The following PKP4 variants were observed in gnomAD, a reference collection of about 807,000 sequenced individuals.
PKP4 encodes the protein plakophilin 4, also known as plakophilin-4.
In PKP4, 90 loss-of-function variants were observed where a neutral mutation model predicts 145.1. That is an observed-to-expected ratio of 0.62 (90% CI 0.52 to 0.74). PKP4 has a LOEUF of 0.74. Ranked by LOEUF, PKP4 falls within the 30% of genes least tolerant of loss-of-function variation. The pLI is 0.00. For synonymous variants in PKP4, 563 were observed against 577.2 expected, an observed-to-expected ratio of 0.98 and a Z score of 0.35; for missense variants, 1,340 against 1,482.7, an observed-to-expected ratio of 0.90 and a Z score of 1.58.
chr2:158,587,507 A>G (rs924891738), intron 3 of PKP4, among the ~76,000 whole-genome samples: 12 of 152,086 alleles, frequency 7.9e-5, no homozygotes, highest in Admixed American at 3.9e-4. Context: ...ATATTTCAAG[A>G]TGCTTGAACA....
At chr2:158,675,672 A>T (rs967179390) in intron 19 of PKP4, among the ~76,000 whole-genome samples, 1 of 152,192 alleles carries the variant, frequency 6.6e-6, no homozygotes, top group African/African-American at 2.4e-5. Flanking sequence ...ATGTCATTGG[A>T]GGCAGGCGGG....
intron 19 of PKP4, among the ~76,000 whole-genome samples, chr2:158,675,367 A>G (rs2057919072): frequency 6.6e-6 from 1 of 150,882 alleles, no homozygotes; most frequent in African/African-American, 2.4e-5. Flanking sequence ...AGTGTATTTT[A>G]TGTGTGGCCC....
intron 6 of PKP4, among the ~76,000 whole-genome samples, 153 bp from the exon 7 acceptor site, chr2:158,624,725 A>G (rs2052588121): frequency 6.6e-6 from 1 of 152,142 alleles, no homozygotes; most frequent in Admixed American, 6.5e-5. Context: ...GGAAAAATTA[A>G]TGTCTGGCTC....
intron 1 of PKP4, 71 bp from the exon 2 acceptor site, chr2:158,533,109 C>T: frequency 1.4e-6 from 2 of 1,449,838 alleles, no homozygotes; most frequent in Admixed American, 5.2e-5. Flanking sequence ...TGCTAGGAAC[C>T]ATCTGTAAAG....
chr2:158,666,352 C>T, intron 15 of PKP4, 61 bp from the exon 16 acceptor site: 5 of 1,311,664 alleles, frequency 3.8e-6, no homozygotes, highest in Non-Finnish European at 5.1e-6. Flanking sequence ...TTTTAGGTGA[C>T]AGTAACATAT....
intron 3 of PKP4, among the ~76,000 whole-genome samples, chr2:158,579,922 TTGTC>T (rs1203962465): frequency 6.6e-6 from 1 of 152,164 alleles, no homozygotes; most frequent in East Asian, 1.9e-4. Flanking sequence ...TTGGTATTGT[TTGTC>T]AGTGTGTGCA....
intron 7 of PKP4, among the ~76,000 whole-genome samples, chr2:158,627,079 G>T (rs2052870605): frequency 1.3e-5 from 2 of 151,860 alleles, no homozygotes; most frequent in African/African-American, 4.8e-5. Context: ...CTTGATTTTT[G>T]AGCTCAAAGA....
At chr2:158,532,322 T>G (rs1026707743) in intron 1 of PKP4, among the ~76,000 whole-genome samples, 13 of 152,192 alleles carry the variant, frequency 8.5e-5, no homozygotes, top group Non-Finnish European at 1.3e-4. Flanking sequence ...ATTTGCCTAA[T>G]GACTGGAATG....
At chr2:158,486,860 T>G (rs1156889218) in intron 1 of PKP4, among the ~76,000 whole-genome samples, 1 of 152,204 alleles carries the variant, frequency 6.6e-6, no homozygotes, top group African/African-American at 2.4e-5. Context: ...CAATAAAACG[T>G]GAGTCCAATG....
Position 158,676,740 on chromosome 2 carries a change from C to A in PKP4, c.3129C>A (p.Val1043=). ...CTCCTCCTTTGCCTCTCCCTTCAGTCGGCAGCACCTCTTCCTCACCAGCAC... is the reference window on the plus strand; with the variant it reads ...CTCCTCCTTTGCCTCTCCCTTCAGTAGGCAGCACCTCTTCCTCACCAGCAC... ...NQQMSPIIQS[V]GSTSSSPALL... Residue 1043 remains valine, a splice_region_variant and synonymous_variant, in exon 20 of 22, where the codon GTC becomes GTA. Transcript: ENST00000389759. 6.2e-7 allele frequency: 1 copy of A among 1,614,124 alleles called. No homozygotes were observed. Among genetic ancestry groups the A allele is most frequent in the Non-Finnish European group, 8.5e-7 (1 of 1,180,004 alleles).
At chr2:158,546,815 AG>A (rs2045091192) in intron 2 of PKP4, among the ~76,000 whole-genome samples, 1 of 152,178 alleles carries the variant, frequency 6.6e-6, no homozygotes, top group South Asian at 2.1e-4. Flanking sequence ...AGAGAAGAAA[AG>A]GTCAGAGGAT....
chr2:158,576,671 T>C (rs1189061197), intron 2 of PKP4, among the ~76,000 whole-genome samples: 1 of 152,224 alleles, frequency 6.6e-6, no homozygotes, highest in Non-Finnish European at 1.5e-5. Flanking sequence ...TGGCTTAGTC[T>C]TTTTCACTTC....
intron 16 of PKP4, among the ~76,000 whole-genome samples, chr2:158,668,636 C>T (rs765101027): frequency 1.3e-5 from 2 of 152,208 alleles, no homozygotes; most frequent in South Asian, 2.1e-4. Context: ...TATTCAAAAT[C>T]ACCAGAGCTA....
At chr2:158,672,839 T>A (rs1033282248) in intron 17 of PKP4, among the ~76,000 whole-genome samples, 9 of 94,536 alleles carry the variant, frequency 9.5e-5, no homozygotes, top group African/African-American at 3.8e-4. Context: ...GAGAGTTTAA[T>A]TGGGAAGATA....
In PKP4 at chr2:158,570,496, A is replaced by G. The variant is rs144189629; in HGVS notation, c.133-6775A>G. On this transcript the variant is annotated intron_variant, in intron 2 of 21. Coordinates refer to ENST00000389759, the MANE Select transcript of PKP4 (RefSeq NM_003628.6). ...TATAAAACTCTCAGTATACTAAGGC[A>G]GAAAGTAGATTTTTTTGAAAGATTT... 2.1e-3 allele frequency among the ~76,000 whole-genome samples: 316 copies of G among 152,360 alleles called. 1 individual carries two copies. Among genetic ancestry groups the G allele is most frequent in the Admixed American group, 5.3e-3 (81 of 15,308 alleles).
intron 11 of PKP4, among the ~76,000 whole-genome samples, chr2:158,646,059 T>A (rs1200313239): frequency 6.6e-6 from 1 of 152,170 alleles, no homozygotes; most frequent in Non-Finnish European, 1.5e-5. Context: ...TATAAGTGTT[T>A]TCTAATTCAG....
chr2:158,540,340 G>A (rs762001870), intron 2 of PKP4, among the ~76,000 whole-genome samples: 1 of 152,158 alleles, frequency 6.6e-6, no homozygotes, highest in Non-Finnish European at 1.5e-5. Flanking sequence ...GGAAAACATA[G>A]TAGGTGCCCA....
Position 158,669,865 on chromosome 2 carries a change from C to T in PKP4, c.2874C>T (p.Asp958=), listed in dbSNP as rs373002804. Residue 958 remains aspartate, a synonymous_variant, in exon 17 of 22, where the codon GAC becomes GAT. Transcript: ENST00000389759. ...KNMENAKALA[D]SGGIEKLVNI... is the part of the protein sequence containing the mutation. ...TGGAGAACGCAAAAGCCCTGGCCGA[C>T]TCAGGAGGCATAGAGAAGCTGGTGA... The T allele has an allele frequency of 8.5e-4, 1,378 of 1,613,918 alleles. 22 individuals are homozygous for T. The South Asian group carries it at 0.014, about 16-fold the overall frequency.
chr2:158,490,701 T>A (rs1027225904), intron 1 of PKP4, among the ~76,000 whole-genome samples: 1 of 152,240 alleles, frequency 6.6e-6, no homozygotes, highest in African/African-American at 2.4e-5. Flanking sequence ...CATGAGTCTC[T>A]GTAGGTTTAC....
Sources: gnomAD v4.1 joint callset for allele counts (sites outside exome capture counted in the v4.1 genomes callset) on GRCh38, gnomAD v4.1.1 for gene constraint, MANE v1.5 for transcripts, NCBI Gene and HGNC (gene_info 2026-07-23, HGNC 2026-07-21) for gene names.